The following NXPE2 variants were observed in gnomAD, a reference collection of about 807,000 sequenced individuals.
The protein encoded by NXPE2 is NXPE family member 2.
In NXPE2, 34 loss-of-function variants were observed where a neutral mutation model predicts 34.4. That is an observed-to-expected ratio of 0.99 (90% CI 0.75 to 1.31). NXPE2 has a LOEUF of 1.31. NXPE2 is among the 40% of genes most tolerant of loss of function. NXPE2 has a pLI of 0.00. For missense variants in NXPE2, 649 were observed against 672.5 expected, an observed-to-expected ratio of 0.97 and a Z score of 0.39; for synonymous variants, 235 against 231.3, an observed-to-expected ratio of 1.02 and a Z score of -0.15.
chr11:114,656,925 T>A, the NXPE2 span, among the ~76,000 whole-genome samples: 2 of 152,166 alleles, frequency 1.3e-5, no homozygotes, highest in South Asian at 4.2e-4. Flanking sequence ...ACCCCGTCTC[T>A]ACTAAAAATA....
chr11:114,518,633 C>T, the NXPE2 span, among the ~76,000 whole-genome samples: 4 of 152,238 alleles, frequency 2.6e-5, no homozygotes, highest in African/African-American at 9.6e-5. Flanking sequence ...TCACTTTGCT[C>T]TGAGGTATCC....
chr11:114,469,716 C>T, the NXPE2 span, among the ~76,000 whole-genome samples: 3 of 151,994 alleles, frequency 2.0e-5, no homozygotes, highest in Non-Finnish European at 4.4e-5. Context: ...TGGTCTCGAA[C>T]TCCTGACCTC....
chr11:114,773,288 C>CCCCCCCCCCCCCCCCCCCG, the NXPE2 span, among the ~76,000 whole-genome samples: 4 of 95,870 alleles, frequency 4.2e-5, no homozygotes, highest in South Asian at 5.0e-4. Flanking sequence ...CACCCCCCCC[C>CCCCCCCCCCCCCCCCCCCG]CACCCCATTC....
the NXPE2 span, among the ~76,000 whole-genome samples, chr11:114,537,227 A>G: frequency 1.3e-5 from 2 of 152,264 alleles, no homozygotes; most frequent in Admixed American, 1.3e-4. Context: ...ACAAAATTCA[A>G]CAACCCTTCA....
chr11:114,582,205 A>G, the NXPE2 span: 1 of 1,427,274 alleles, frequency 7.0e-7, no homozygotes, highest in Non-Finnish European at 9.4e-7. Context: ...AAATTAATAC[A>G]CTCACAAGAC....
the NXPE2 span, among the ~76,000 whole-genome samples, chr11:114,517,381 A>G: frequency 1.3e-5 from 2 of 152,168 alleles, no homozygotes; most frequent in Non-Finnish European, 2.9e-5. Flanking sequence ...TATTCTCACT[A>G]TAAACACAGC....
the NXPE2 span, among the ~76,000 whole-genome samples, chr11:114,603,807 G>A: frequency 2.2e-4 from 34 of 151,270 alleles, no homozygotes; most frequent in African/African-American, 6.8e-4. Context: ...GTATTGCCTC[G>A]TCTCCTAGGT....
chr11:114,697,131 G>A (rs954923421), intron 2 of NXPE2, among the ~76,000 whole-genome samples: 1 of 152,092 alleles, frequency 6.6e-6, no homozygotes, highest in Non-Finnish European at 1.5e-5. Flanking sequence ...CTAAAATCAT[G>A]AATAAGGACG....
the NXPE2 span, among the ~76,000 whole-genome samples, chr11:114,484,401 T>A: frequency 2.0e-5 from 3 of 152,140 alleles, no homozygotes; most frequent in Non-Finnish European, 4.4e-5. Flanking sequence ...ATGTGCTCTC[T>A]CCCTCTCTCT....
the NXPE2 span, among the ~76,000 whole-genome samples, chr11:114,757,562 A>G: frequency 6.6e-6 from 1 of 152,210 alleles, no homozygotes; most frequent in Non-Finnish European, 1.5e-5. Context: ...ACAGGATAAA[A>G]TATTGTTACC....
the NXPE2 span, among the ~76,000 whole-genome samples, chr11:114,768,734 T>C: frequency 6.6e-6 from 1 of 152,212 alleles, no homozygotes; most frequent in African/African-American, 2.4e-5. Flanking sequence ...ATAGCAATGC[T>C]TGTGATTTTT....
At chr11:114,633,256 T>C in the NXPE2 span, among the ~76,000 whole-genome samples, 3 of 136,060 alleles carry the variant, frequency 2.2e-5, no homozygotes, top group Non-Finnish European at 4.6e-5. Context: ...ATATAATATA[T>C]AAGAATGTTA....
chr11:114,690,316 C>T lies in NXPE2; in HGVS notation c.133-7729C>T, dbSNP rs535384869. ...TGGTGATTAATTCCCTTAGCAAATA[C>T]TTGTCTGGAAAATACTTCATTTCTC... On this transcript the variant is annotated intron_variant, in intron 2 of 5. Transcript: ENST00000389586. Among the ~76,000 whole-genome samples the T allele has an allele frequency of 9.9e-4, 150 of 152,214 alleles. 1 individual carries two copies. Among genetic ancestry groups the T allele is most frequent in the Admixed American group, 3.3e-3 (51 of 15,278 alleles).
At chr11:114,741,794 G>A in the NXPE2 span, among the ~76,000 whole-genome samples, 1 of 152,016 alleles carries the variant, frequency 6.6e-6, no homozygotes, top group African/African-American at 2.4e-5. Flanking sequence ...TCTTTGTTAG[G>A]CAATTGATCA....
At chr11:114,570,099 G>A in the NXPE2 span, among the ~76,000 whole-genome samples, 17 of 152,162 alleles carry the variant, frequency 1.1e-4, no homozygotes, top group Admixed American at 1.1e-3. Context: ...GCCTCACATG[G>A]TTCCCGCCTT....
the NXPE2 span, among the ~76,000 whole-genome samples, chr11:114,505,227 A>G: frequency 6.6e-6 from 1 of 152,192 alleles, no homozygotes; most frequent in Admixed American, 6.5e-5. Flanking sequence ...GGGATTATGT[A>G]AAGAGACTGA....
At chr11:114,481,033 C>T in the NXPE2 span, among the ~76,000 whole-genome samples, 2 of 152,022 alleles carry the variant, frequency 1.3e-5, no homozygotes, top group Non-Finnish European at 2.9e-5. Flanking sequence ...GTCGAGGTCC[C>T]GTCATTTCTA....
At chr11:114,502,246 G>T in the NXPE2 span, among the ~76,000 whole-genome samples, 1 of 152,038 alleles carries the variant, frequency 6.6e-6, no homozygotes, top group African/African-American at 2.4e-5. Context: ...GGACTCATTG[G>T]GAGTCTTAAT....
chr11:114,628,553 C>G, the NXPE2 span, among the ~76,000 whole-genome samples: 1 of 150,494 alleles, frequency 6.6e-6, no homozygotes, highest in Non-Finnish European at 1.5e-5. Flanking sequence ...CACTAAATGC[C>G]CACAAGAGAA....
Sources: gnomAD v4.1 joint callset for allele counts (sites outside exome capture counted in the v4.1 genomes callset) on GRCh38, gnomAD v4.1.1 for gene constraint, MANE v1.5 for transcripts, NCBI Gene and HGNC (gene_info 2026-07-23, HGNC 2026-07-21) for gene names.